The following TENM1 variants were observed in gnomAD, a reference collection of about 807,000 sequenced individuals.
TENM1 encodes the protein teneurin-1.
In TENM1, 35 loss-of-function variants were observed where a neutral mutation model predicts 174.8. The observed-to-expected ratio is 0.20, with a 90% CI of 0.15 to 0.27. TENM1 has a LOEUF of 0.27. Ranked by LOEUF, TENM1 falls within the 10% of genes least tolerant of loss-of-function variation. The pLI, the probability that TENM1 is intolerant of heterozygous loss-of-function variation, is 1.00. For synonymous variants in TENM1, 781 were observed against 798.7 expected (o/e 0.98, Z 0.37); for missense variants, 1,633 against 2,130.1 (o/e 0.77, Z 4.59).
intron 4 of TENM1, among the ~76,000 whole-genome samples, chrX:124,734,858 T>C (rs1455205952): frequency 8.9e-6 from 1 of 112,125 alleles, no homozygotes. Flanking sequence ...CATACAAATG[T>C]CTTTAGAAAA....
At chrX:124,996,986 T>C in the TENM1 span, among the ~76,000 whole-genome samples, 1 of 111,475 alleles carries the variant, frequency 9.0e-6, no homozygotes, top group Non-Finnish European at 1.9e-5. Context: ...GAGATTTCAG[T>C]AGACTTTAAA....
chrX:124,917,920 C>A (rs1356051438), intron 1 of TENM1, among the ~76,000 whole-genome samples: 1 of 112,255 alleles, frequency 8.9e-6, no homozygotes, highest in African/African-American at 3.2e-5. Context: ...GAATTCTCTA[C>A]GCTCTGACAT....
intron 23 of TENM1, among the ~76,000 whole-genome samples, chrX:124,451,403 A>G (rs2061034990): frequency 8.9e-6 from 1 of 112,266 alleles, no homozygotes; most frequent in Admixed American, 9.5e-5. Flanking sequence ...ATACATGTGA[A>G]TAACAACATG....
intron 3 of TENM1, among the ~76,000 whole-genome samples, chrX:124,755,802 T>C (rs1250874632): frequency 9.3e-4 from 102 of 109,126 alleles, no homozygotes; most frequent in Middle Eastern, 9.1e-3. Flanking sequence ...TCTTTAAGAA[T>C]GTTGAATATT....
Position 124,737,117 on chromosome X carries a change from C to A in TENM1, c.616G>T (p.Ala206Ser), listed in dbSNP as rs149320219. ...TCCGCTGCAGGGGGTGGCTTCCTGG[C>A]ACAGGTGCAGGCATGAGGAGGCGGA... The change falls in exon 4 of 32, where the codon GCC becomes TCC. Residue 206 changes from alanine (A) to serine (S), a missense_variant. Physicochemically the swap from Ala to Ser is moderately conservative, Grantham distance 99. Coordinates refer to ENST00000422452, the Ensembl canonical transcript of TENM1. 8.6e-4 allele frequency: 1,036 copies of A among 1,207,852 alleles called. No homozygotes were observed. The highest frequency in any genetic ancestry group is 1.1e-3 in the Non-Finnish European group (1,005 of 894,579).
intron 16 of TENM1, among the ~76,000 whole-genome samples, chrX:124,527,657 T>C (rs943799621): frequency 3.8e-5 from 4 of 104,932 alleles, no homozygotes; most frequent in Non-Finnish European, 5.9e-5. Flanking sequence ...TTTCTTTTTT[T>C]TTTTTTTTTG....
the TENM1 span, among the ~76,000 whole-genome samples, chrX:125,169,007 C>T: frequency 1.3e-4 from 14 of 108,129 alleles, no homozygotes; most frequent in East Asian, 5.7e-4. Context: ...TGTGTGTGTG[C>T]GCACGCAGAT....
At chrX:124,865,355 G>A (rs1474579128) in intron 3 of TENM1, among the ~76,000 whole-genome samples, 1 of 111,809 alleles carries the variant, frequency 8.9e-6, no homozygotes, top group Non-Finnish European at 1.9e-5. Context: ...ACAACAAAAA[G>A]TTAAAAAGCA....
chrX:124,455,939 G>T (rs1162901321), intron 22 of TENM1, among the ~76,000 whole-genome samples: 1 of 111,468 alleles, frequency 9.0e-6, no homozygotes, highest in Admixed American at 9.6e-5. Context: ...ATATCAGGGA[G>T]GACAATTCTT....
intron 1 of TENM1, among the ~76,000 whole-genome samples, chrX:124,955,227 C>T (rs1254022613): frequency 9.2e-6 from 1 of 108,174 alleles, no homozygotes; most frequent in Non-Finnish European, 1.9e-5. Context: ...CTTGGATGCA[C>T]ATTGGCATCC....
chrX:124,531,942 G>A (rs1269102551), intron 15 of TENM1, among the ~76,000 whole-genome samples: 1 of 108,102 alleles, frequency 9.3e-6, no homozygotes, highest in East Asian at 2.9e-4. Flanking sequence ...GGTGTAGATT[G>A]AATGGAAACA....
At chrX:124,452,390 T>C (rs1603272413) in intron 23 of TENM1, among the ~76,000 whole-genome samples, 1 of 112,177 alleles carries the variant, frequency 8.9e-6, no homozygotes, top group African/African-American at 3.2e-5. Flanking sequence ...GGAGAGGATG[T>C]GGAGAAATAG....
the TENM1 span, among the ~76,000 whole-genome samples, chrX:125,122,843 T>TA: frequency 1.4e-4 from 9 of 63,351 alleles, 1 homozygote; most frequent in East Asian, 6.6e-3. Context: ...TATTTTTAAT[T>TA]AAAAAACAGT....
intron 11 of TENM1, among the ~76,000 whole-genome samples, chrX:124,612,661 T>C (rs1173389681): frequency 1.8e-5 from 2 of 111,325 alleles, no homozygotes; most frequent in Admixed American, 1.9e-4. Flanking sequence ...AATAAAGATA[T>C]TTTTGTTCCA....
At chrX:125,042,256 G>C in the TENM1 span, among the ~76,000 whole-genome samples, 4 of 111,517 alleles carry the variant, frequency 3.6e-5, no homozygotes, top group Non-Finnish European at 7.6e-5. Context: ...GAAATGAGCT[G>C]AGTTACTTCT....
intron 3 of TENM1, among the ~76,000 whole-genome samples, chrX:124,888,917 A>G (rs763321202): frequency 8.9e-5 from 10 of 112,500 alleles, no homozygotes; most frequent in Non-Finnish European, 1.9e-5. Flanking sequence ...CCAAGGACAT[A>G]TAGCAGGTAA....
intron 3 of TENM1, among the ~76,000 whole-genome samples, chrX:124,755,059 C>T (rs2054193679): frequency 9.9e-6 from 1 of 100,751 alleles, no homozygotes; most frequent in Non-Finnish European, 1.9e-5. Context: ...CTTTCTGTCT[C>T]GTTGATCTGT....
intron 3 of TENM1, among the ~76,000 whole-genome samples, chrX:124,833,214 G>A (rs1603236392): frequency 8.9e-6 from 1 of 111,752 alleles, no homozygotes; most frequent in Non-Finnish European, 1.9e-5. Flanking sequence ...CTTTAATGAT[G>A]GATCTACAAT....
At chrX:124,531,741 T>C (rs2048111705) in intron 15 of TENM1, among the ~76,000 whole-genome samples, 1 of 112,438 alleles carries the variant, frequency 8.9e-6, no homozygotes, top group African/African-American at 3.2e-5. Context: ...AATTTCTGTA[T>C]CATTTTGAAA....
Sources: allele counts gnomAD v4.1 joint callset (sites outside exome capture counted in the v4.1 genomes callset), GRCh38; gene constraint gnomAD v4.1.1; transcripts MANE v1.5; gene names NCBI Gene and HGNC (gene_info 2026-07-23, HGNC 2026-07-21).